Variants in PCYT1B observed in about 807,000 individuals in gnomAD.
PCYT1B encodes phosphate cytidylyltransferase 1B, choline.
A neutral mutation model predicts 26.4 loss-of-function variants in PCYT1B; 10 were observed. That is an observed-to-expected ratio of 0.38 (90% CI 0.23 to 0.64). PCYT1B has a LOEUF of 0.64. Ranked by LOEUF, PCYT1B falls within the 30% of genes least tolerant of loss-of-function variation. The pLI, the probability that PCYT1B is intolerant of heterozygous loss-of-function variation, is 0.56. For missense variants in PCYT1B, 161 were observed against 292.7 expected, an observed-to-expected ratio of 0.55 and a Z score of 3.28; for synonymous variants, 131 against 108.4, an observed-to-expected ratio of 1.21 and a Z score of -1.29.
chrX:24,595,378 A>G (rs1458828593), intron 3 of PCYT1B, among the ~76,000 whole-genome samples: 3 of 110,551 alleles, frequency 2.7e-5, no homozygotes, highest in Non-Finnish European at 3.8e-5. Flanking sequence ...GTGAGGCCCT[A>G]GGCATGGGAG....
At chrX:24,580,869 C>T (rs923837244) in intron 5 of PCYT1B, among the ~76,000 whole-genome samples, 2 of 111,425 alleles carry the variant, frequency 1.8e-5, no homozygotes, top group African/African-American at 6.5e-5. Flanking sequence ...CTCAAACCCT[C>T]TGAAGGCGAG....
Position 24,596,062 on chromosome X carries a change from C to A in PCYT1B, c.335-5888G>T, listed in dbSNP as rs761044694. On this transcript the variant is annotated intron_variant, in intron 3 of 7. Transcript: ENST00000379144. ...TGTTGTTATTTTTATTGCCCTCCTG[C>A]GAAGCAGAGGTGGCTATTTGGTGAC... Among the ~76,000 whole-genome samples the A allele has an allele frequency of 1.1e-4, 12 of 111,700 alleles. No individual in the cohort carries two copies. In the South Asian group the frequency reaches 4.5e-3, roughly 42 times the overall value.
chrX:24,609,988 G>A (rs1401762899), intron 2 of PCYT1B, among the ~76,000 whole-genome samples: 1 of 110,779 alleles, frequency 9.0e-6, no homozygotes, highest in South Asian at 3.9e-4. Flanking sequence ...AGCTACTCGG[G>A]AGGCTGAGGC....
At chrX:24,586,235 A>G (rs777226557) in intron 5 of PCYT1B, among the ~76,000 whole-genome samples, 5 of 112,738 alleles carry the variant, frequency 4.4e-5, no homozygotes, top group Non-Finnish European at 9.4e-5. Flanking sequence ...CATATATTAA[A>G]CAATGACAGC....
At chrX:24,620,523 G>T (rs1226442311) in intron 1 of PCYT1B, among the ~76,000 whole-genome samples, 3 of 112,150 alleles carry the variant, frequency 2.7e-5, no homozygotes. Flanking sequence ...ACATTATGGC[G>T]ACCTCATAGG....
intron 1 of PCYT1B, among the ~76,000 whole-genome samples, chrX:24,629,591 C>G (rs6629897): frequency 1.5e-5 from 1 of 67,106 alleles, no homozygotes; most frequent in Non-Finnish European, 2.6e-5. Flanking sequence ...AAAAAAAAAA[C>G]AACACGTATT....
At chrX:24,644,922 G>T (rs1442128918) in intron 1 of PCYT1B, among the ~76,000 whole-genome samples, 1 of 111,529 alleles carries the variant, frequency 9.0e-6, no homozygotes. Context: ...ATATTAGCCA[G>T]GCATGGTGCT....
At chrX:24,631,002 A>C (rs780186644) in intron 1 of PCYT1B, among the ~76,000 whole-genome samples, 2 of 111,430 alleles carry the variant, frequency 1.8e-5, no homozygotes, top group East Asian at 5.7e-4. Context: ...AGCTCACTGC[A>C]AGCTCTGCCT....
chrX:24,627,257 C>A (rs1925911575), intron 1 of PCYT1B, among the ~76,000 whole-genome samples: 1 of 112,136 alleles, frequency 8.9e-6, no homozygotes, highest in African/African-American at 3.2e-5. Context: ...AGATGAGAGG[C>A]ACCCAGTCGT....
chrX:24,668,087 A>G (rs926346106), intron 1 of PCYT1B, among the ~76,000 whole-genome samples: 2 of 112,288 alleles, frequency 1.8e-5, no homozygotes, highest in African/African-American at 6.5e-5. Flanking sequence ...TGCAAGTGCC[A>G]TTCTTCTCTA....
chrX:24,575,032 G>A, intron 7 of PCYT1B, 98 bp downstream of exon 7: 2 of 620,913 alleles, frequency 3.2e-6, no homozygotes, highest in Non-Finnish European at 4.9e-6. Context: ...AGGGCATGCA[G>A]TGGATCTGAG....
chrX:24,560,578 C>T lies in PCYT1B; in HGVS notation c.*1715G>A, dbSNP rs758874976. 1.5e-4 allele frequency: 17 copies of T among 111,897 alleles called. No homozygotes were observed. Among genetic ancestry groups the T allele is most frequent in the Non-Finnish European group, 2.6e-4 (14 of 53,145 alleles). 9.2% of individuals were successfully genotyped at this position (111,897 alleles called of 1,213,427 possible). ...TGCCAAGAACAAAGAGGTTCCAAGCCAGCTCAGCCTCATAGTTTTGCTTCA... is the reference window on the plus strand; with the variant it reads ...TGCCAAGAACAAAGAGGTTCCAAGCTAGCTCAGCCTCATAGTTTTGCTTCA... On this transcript the variant is annotated 3_prime_UTR_variant, in exon 8 of 8. Coordinates refer to ENST00000379144, the MANE Select transcript of PCYT1B (RefSeq NM_004845.5).
intron 1 of PCYT1B, 153 bp from the exon 2 acceptor site, chrX:24,619,237 A>G (rs1310529779): frequency 4.4e-6 from 2 of 453,275 alleles, no homozygotes; most frequent in Non-Finnish European, 8.0e-6. Flanking sequence ...TGTTAGACAT[A>G]AAAATAGGGC....
At chrX:24,646,807 A>G (rs763558763) in intron 1 of PCYT1B, among the ~76,000 whole-genome samples, 182 bp downstream of exon 1, 2 of 111,919 alleles carry the variant, frequency 1.8e-5, no homozygotes, top group East Asian at 5.6e-4. Context: ...AACGCTTTGT[A>G]AACTGAGAGC....
chrX:24,637,521 G>A (rs1926331209), intron 1 of PCYT1B, among the ~76,000 whole-genome samples: 1 of 70,665 alleles, frequency 1.4e-5, no homozygotes, highest in African/African-American at 7.9e-5. Flanking sequence ...TAAATTAGCT[G>A]AGCGTGGTGG....
intron 2 of PCYT1B, among the ~76,000 whole-genome samples, chrX:24,611,846 G>A (rs1306589604): frequency 9.1e-6 from 1 of 110,284 alleles, no homozygotes; most frequent in Non-Finnish European, 1.9e-5. Context: ...GGTGGCGGAC[G>A]CTTATAATCC....
chrX:24,571,937 G>A (rs2037813317), intron 7 of PCYT1B, among the ~76,000 whole-genome samples: 1 of 111,019 alleles, frequency 9.0e-6, no homozygotes. Flanking sequence ...AACAGAGTGA[G>A]ACCCTGCTTT....
At chrX:24,631,623 C>T (rs574080961) in intron 1 of PCYT1B, among the ~76,000 whole-genome samples, 1 of 112,281 alleles carries the variant, frequency 8.9e-6, no homozygotes, top group Middle Eastern at 4.6e-3. Flanking sequence ...CTCTGGTTTC[C>T]TCCCACATCC....
At chrX:24,564,527 TA>T (rs1834646959) in intron 7 of PCYT1B, among the ~76,000 whole-genome samples, 1 of 110,214 alleles carries the variant, frequency 9.1e-6, no homozygotes, top group African/African-American at 3.3e-5. Context: ...TAATTTTTTG[TA>T]TTTTTAGTAG....
Sources: allele counts gnomAD v4.1 joint callset (sites outside exome capture counted in the v4.1 genomes callset), GRCh38; gene constraint gnomAD v4.1.1; transcripts MANE v1.5; gene names NCBI Gene and HGNC (gene_info 2026-07-23, HGNC 2026-07-21).